The following MECOM variants were observed in gnomAD, a reference collection of about 807,000 sequenced individuals.
MECOM encodes MDS1 and EVI1 complex locus, also known as histone-lysine N-methyltransferase MECOM.
In MECOM, 13 loss-of-function variants were observed where a neutral mutation model predicts 116.3. The ratio of observed to expected loss-of-function variants is 0.11; its 90% CI spans 0.07 to 0.18. The LOEUF (loss-of-function observed/expected upper bound fraction) is 0.18. Among genes scored for constraint, MECOM ranks in the 10% least tolerant of loss-of-function variants. The pLI, the probability that MECOM is intolerant of heterozygous loss-of-function variation, is 1.00. For synonymous variants in MECOM, 528 were observed against 535.2 expected, an observed-to-expected ratio of 0.99 and a Z score of 0.19; for missense variants, 1,299 against 1,509.0, an observed-to-expected ratio of 0.86 and a Z score of 2.31.
At chr3:169,309,123 T>C (rs1261068839) in intron 2 of MECOM, among the ~76,000 whole-genome samples, 1 of 152,076 alleles carries the variant, frequency 6.6e-6, no homozygotes, top group Non-Finnish European at 1.5e-5. Flanking sequence ...ACCAAAGGAA[T>C]TCCCCTGAAA....
At chr3:169,212,726 C>T (rs1216463023) in intron 2 of MECOM, among the ~76,000 whole-genome samples, 1 of 144,552 alleles carries the variant, frequency 6.9e-6, no homozygotes, top group African/African-American at 2.5e-5. Context: ...TGTCACCTCT[C>T]CACTACCAGT....
intron 1 of MECOM, among the ~76,000 whole-genome samples, chr3:169,651,963 T>C (rs28547924): frequency 0.011 from 1,660 of 152,284 alleles, 33 homozygotes; most frequent in African/African-American, 0.038. Context: ...TTTTATACAT[T>C]CTTTTCATTT....
chr3:169,573,660 C>T (rs184518249), intron 1 of MECOM, among the ~76,000 whole-genome samples: 5 of 152,220 alleles, frequency 3.3e-5, no homozygotes, highest in African/African-American at 4.8e-5. Flanking sequence ...GGAAATCAAG[C>T]GGCATAATTT....
intron 1 of MECOM, among the ~76,000 whole-genome samples, chr3:169,620,023 G>A (rs963281647): frequency 2.6e-5 from 4 of 152,176 alleles, no homozygotes; most frequent in Admixed American, 6.5e-5. Context: ...CTAGAATATC[G>A]TGTCAACAAA....
chr3:169,608,621 G>T (rs1311921565), intron 1 of MECOM, among the ~76,000 whole-genome samples: 1 of 152,136 alleles, frequency 6.6e-6, no homozygotes, highest in Non-Finnish European at 1.5e-5. Flanking sequence ...CAGGCACACG[G>T]CAGTTATTAA....
intron 1 of MECOM, among the ~76,000 whole-genome samples, chr3:169,583,525 TC>T (rs1467320554): frequency 5.3e-5 from 8 of 152,074 alleles, no homozygotes; most frequent in African/African-American, 1.9e-4. Context: ...ATTCCAAATC[TC>T]CACTTAAATG....
rs370972861 is a variant in MECOM, at chr3:169,579,257, G to C, written c.37+84079C>G. Reference sequence around the variant, plus strand: ...CATCGCCTCTTACTTGAGCTGCAAGGGTCTATTCAAGGAAGATAAGCCTCT... The same window carrying C: ...CATCGCCTCTTACTTGAGCTGCAAGCGTCTATTCAAGGAAGATAAGCCTCT... On this transcript the variant is annotated intron_variant, in intron 1 of 16. Coordinates refer to ENST00000651503, the MANE Select transcript of MECOM (RefSeq NM_004991.4). Among the ~76,000 whole-genome samples the C allele has an allele frequency of 4.6e-5, 7 of 152,048 alleles. No homozygotes were observed. The East Asian group carries it at 1.2e-3, about 25-fold the overall frequency.
chr3:169,447,102 C>T (rs1424288028), intron 1 of MECOM, among the ~76,000 whole-genome samples: 2 of 152,106 alleles, frequency 1.3e-5, no homozygotes, highest in East Asian at 3.9e-4. Context: ...GAAGATTCTA[C>T]ATTAGTTCAA....
chr3:169,131,858 C>T (rs1734821606), intron 3 of MECOM: 2 of 976,348 alleles, frequency 2.0e-6, no homozygotes, highest in South Asian at 7.0e-5. Flanking sequence ...TCTCTGAATC[C>T]TCAAAGCACC....
Position 169,572,107 on chromosome 3 carries a change from T to C in MECOM, c.37+91229A>G, listed in dbSNP as rs542542667. On this transcript the variant is annotated intron_variant, in intron 1 of 16. Coordinates refer to ENST00000651503, the MANE Select transcript of MECOM (RefSeq NM_004991.4). The stretch of plus-strand genomic sequence containing the variant: ...ATCTATCCATCTGACAAAGGGCTAA[T>C]ATCCAGAATCTATAAGGAACCCAAA... Among the ~76,000 whole-genome samples the C allele has an allele frequency of 1.9e-3, 292 of 152,338 alleles. 1 individual carries two copies. Among genetic ancestry groups the C allele is most frequent in the South Asian group, 0.014 (68 of 4,826 alleles).
At chr3:169,492,029 T>C (rs1208850459) in intron 1 of MECOM, among the ~76,000 whole-genome samples, 1 of 152,238 alleles carries the variant, frequency 6.6e-6, no homozygotes, top group Non-Finnish European at 1.5e-5. Context: ...TTCTTAAAGA[T>C]AAGTGCTTTT....
intron 2 of MECOM, among the ~76,000 whole-genome samples, chr3:169,322,690 A>G (rs1269970646): frequency 1.3e-5 from 2 of 152,140 alleles, no homozygotes; most frequent in African/African-American, 4.8e-5. Context: ...AATGATACCA[A>G]TTCATCCACT....
intron 1 of MECOM, among the ~76,000 whole-genome samples, chr3:169,626,571 G>C (rs1192784838): frequency 1.3e-5 from 2 of 152,190 alleles, no homozygotes; most frequent in Admixed American, 6.5e-5. Context: ...GTAGCTCAGA[G>C]GTTTGGTTTG....
intron 1 of MECOM, among the ~76,000 whole-genome samples, chr3:169,406,184 C>T (rs1736666946): frequency 1.3e-5 from 2 of 152,162 alleles, no homozygotes; most frequent in Non-Finnish European, 1.5e-5. Flanking sequence ...TCAGGATATT[C>T]AACCATAATC....
chr3:169,577,204 T>C (rs995167200), intron 1 of MECOM, among the ~76,000 whole-genome samples: 1 of 152,132 alleles, frequency 6.6e-6, no homozygotes, highest in Non-Finnish European at 1.5e-5. Flanking sequence ...ATGAAATGAG[T>C]TAACGTATAA....
intron 1 of MECOM, chr3:169,463,806 TAA>T (rs1280556013): frequency 1.3e-5 from 2 of 152,172 alleles, no homozygotes; most frequent in African/African-American, 4.8e-5. Flanking sequence ...TCTTAAATGG[TAA>T]TTTGCACCTT....
At chr3:169,560,102 C>T (rs1028973722) in intron 1 of MECOM, among the ~76,000 whole-genome samples, 1 of 152,184 alleles carries the variant, frequency 6.6e-6, no homozygotes, top group Admixed American at 6.5e-5. Flanking sequence ...TCTACCTTTA[C>T]TTGTATAACC....
At chr3:169,249,186 G>C (rs1755952095) in intron 2 of MECOM, among the ~76,000 whole-genome samples, 1 of 152,120 alleles carries the variant, frequency 6.6e-6, no homozygotes, top group South Asian at 2.1e-4. Context: ...GAACGAGTGG[G>C]CGAATGAATG....
At chr3:169,356,288 C>T (rs1031005354) in intron 2 of MECOM, among the ~76,000 whole-genome samples, 1 of 151,542 alleles carries the variant, frequency 6.6e-6, no homozygotes, top group African/African-American at 2.4e-5. Context: ...GTGTAATTTC[C>T]CCAGAGAAAA....
Sources: allele counts gnomAD v4.1 joint callset (sites outside exome capture counted in the v4.1 genomes callset), GRCh38; gene constraint gnomAD v4.1.1; transcripts MANE v1.5; gene names NCBI Gene and HGNC (gene_info 2026-07-23, HGNC 2026-07-21).